Variants in PDE6A observed in about 807,000 individuals in gnomAD.
The protein encoded by PDE6A is phosphodiesterase 6A, also known as rod cGMP-specific 3',5'-cyclic phosphodiesterase subunit alpha.
In PDE6A, 84 loss-of-function variants were observed where a neutral mutation model predicts 106.3. The observed-to-expected ratio is 0.79, with a 90% CI of 0.66 to 0.95. PDE6A has a LOEUF of 0.95. Among genes scored for constraint, PDE6A ranks in the 40% least tolerant of loss-of-function variants. The pLI is 0.00. For synonymous variants in PDE6A, 394 were observed against 386.6 expected, an observed-to-expected ratio of 1.02 and a Z score of -0.23; for missense variants, 1,052 against 1,084.9, an observed-to-expected ratio of 0.97 and a Z score of 0.43.
At chr5:149,917,049 CT>C (rs575173849) in intron 5 of PDE6A, among the ~76,000 whole-genome samples, 20,878 of 141,988 alleles carry the variant, frequency 0.15, 1,590 homozygotes, top group African/African-American at 0.23. Flanking sequence ...AAGGGGATAT[CT>C]TTTTTTTTTT....
intron 10 of PDE6A, among the ~76,000 whole-genome samples, chr5:149,897,381 T>G (rs1223454009): frequency 6.6e-6 from 1 of 152,222 alleles, no homozygotes; most frequent in Non-Finnish European, 1.5e-5. Context: ...AACTTGTAAC[T>G]GGTTCACCGA....
intron 1 of PDE6A, among the ~76,000 whole-genome samples, chr5:149,940,505 C>CTTTTT (rs56930344): frequency 7.0e-6 from 1 of 142,018 alleles, no homozygotes. Flanking sequence ...TGTTTGAATC[C>CTTTTT]TTTTTTTTTT....
chr5:149,868,327 A>T (rs920632270), intron 17 of PDE6A, among the ~76,000 whole-genome samples, 169 bp from the exon 18 acceptor site: 1 of 152,224 alleles, frequency 6.6e-6, no homozygotes, highest in Non-Finnish European at 1.5e-5. Context: ...GAAATCAAAC[A>T]GGGTTAGATC....
intron 1 of PDE6A, among the ~76,000 whole-genome samples, chr5:149,935,955 C>A (rs919240927): frequency 3.9e-5 from 6 of 152,124 alleles, no homozygotes; most frequent in African/African-American, 1.2e-4. Flanking sequence ...AGTCCAAGAC[C>A]AGCCTGGGCA....
At chr5:149,893,560 T>C (rs777313252) in intron 13 of PDE6A, among the ~76,000 whole-genome samples, 3 of 152,198 alleles carry the variant, frequency 2.0e-5, no homozygotes, top group Non-Finnish European at 4.4e-5. Flanking sequence ...AGACTACCTA[T>C]GTGGGTATGA....
chr5:149,944,253 C>G lies in PDE6A; in HGVS notation c.421G>C (p.Val141Leu), dbSNP rs757733655. Residue 141 changes from valine (V) to leucine (L), a missense_variant, in exon 1 of 22, where the codon GTG becomes CTG. This residue lies in a region of PDE6A where 913 missense variants were observed against 915.2 expected (regional missense o/e 1.00). Transcript: ENST00000255266. ...TTCTTAGAGTGTGCGACATGGCCCA[C>G]GATGCCCATGTCCAAAGGGAAGACG... ...EIVFPLDMGI[V>L]GHVAHSKKIA... is the part of the protein sequence containing the mutation. 1 of 1,613,784 alleles carries G rather than the reference C, an allele frequency of 6.2e-7. No individual in the cohort carries two copies. The highest frequency in any genetic ancestry group is 8.5e-7 in the Non-Finnish European group (1 of 1,179,942).
chr5:149,939,063 G>A (rs1705784193), intron 1 of PDE6A, among the ~76,000 whole-genome samples: 1 of 152,090 alleles, frequency 6.6e-6, no homozygotes, highest in Non-Finnish European at 1.5e-5. Flanking sequence ...TCTGCCACTG[G>A]GGCCCAAGGT....
rs1391885772 is a variant in PDE6A at position 149,860,829 on chromosome 5, C to T, written c.*66G>A. 2 of 1,319,902 alleles carry T rather than the reference C, an allele frequency of 1.5e-6. No homozygotes were observed. The highest frequency in any genetic ancestry group is 2.2e-6 in the Non-Finnish European group (2 of 913,034). The allele number at this position is 1,319,902 out of a possible 1,614,324, so 81.8% of individuals were successfully genotyped here. ...CTACTTCTCAAGGTGTGTGGTCTTC[C>T]ACTGGCTTGAGTCATCTCTTCCCAG... On this transcript the variant is annotated 3_prime_UTR_variant, in exon 22 of 22. Coordinates refer to ENST00000255266, the MANE Select transcript of PDE6A (RefSeq NM_000440.3).
chr5:149,944,552 T>G lies in PDE6A; in HGVS notation c.122A>C (p.Glu41Ala), dbSNP rs746076316. The change falls in exon 1 of 22, where the codon GAG (glutamate) becomes GCG (alanine). Residue 41 changes from glutamate (E) to alanine (A), a missense_variant. Around this residue, in one of 3 missense-constraint regions of PDE6A, gnomAD observed 913 missense variants for 915.2 expected, o/e 1.00. Coordinates refer to ENST00000255266, the MANE Select transcript of PDE6A (RefSeq NM_000440.3). ...KLISDLLGAK[E>A]AAVDFSNYHS... Reference sequence around the variant, plus strand: ...GTAGTTGCTGAAGTCCACGGCAGCCTCCTTGGCCCCAAGGAGGTCGGAGAT... The same window carrying G: ...GTAGTTGCTGAAGTCCACGGCAGCCGCCTTGGCCCCAAGGAGGTCGGAGAT... 1.2e-6 allele frequency: 2 copies of G among 1,614,060 alleles called. No individual in the cohort carries two copies. Among genetic ancestry groups the G allele is most frequent in the Non-Finnish European group, 1.7e-6 (2 of 1,180,004 alleles).
Position 149,944,596 on chromosome 5 carries a change from G to A in PDE6A, c.78C>T (p.Leu26=). 5 of 1,614,052 alleles carry A rather than the reference G, an allele frequency of 3.1e-6. No homozygotes were observed. Among genetic ancestry groups the A allele is most frequent in the Non-Finnish European group, 4.2e-6 (5 of 1,180,004 alleles). ...CGGAGATGAGCTTGGCCCGGTAGTG[G>A]AGGTTGTAGTACTGTTTGGCAAAGC... The part of the protein sequence containing the change: ...NIGFAKQYYN[L]HYRAKLISDL... Residue 26 remains leucine, a synonymous_variant, in exon 1 of 22, where the codon CTC becomes CTT. Transcript: ENST00000255266.
Position 149,859,288 on chromosome 5 carries a change from A to G in PDE6A, c.*1607T>C, listed in dbSNP as rs984836873. On this transcript the variant is annotated 3_prime_UTR_variant, in exon 22 of 22. Coordinates refer to ENST00000255266, the MANE Select transcript of PDE6A (RefSeq NM_000440.3). ...TAAAAACCAACAAAAAGAAACAACT[A>G]AATTCAATATGTGAATTTGTTTGGA... 2.0e-5 allele frequency: 3 copies of G among 152,250 alleles called. No individual in the cohort carries two copies. Among genetic ancestry groups the G allele is most frequent in the Non-Finnish European group, 2.9e-5 (2 of 68,048 alleles). The allele number at this position is 152,250 out of a possible 1,614,324, so 9.4% of individuals were successfully genotyped here.
chr5:149,878,618 T>C (rs2113536438), intron 17 of PDE6A, among the ~76,000 whole-genome samples: 1 of 152,352 alleles, frequency 6.6e-6, no homozygotes, highest in Non-Finnish European at 1.5e-5. Context: ...AGACTGAGCC[T>C]GTTTACACTC....
At chr5:149,899,252 T>C (rs1752874208) in intron 9 of PDE6A, 123 bp downstream of exon 9, 3 of 884,100 alleles carry the variant, frequency 3.4e-6, no homozygotes, top group Non-Finnish European at 3.8e-6. Flanking sequence ...AAGTGGTTGA[T>C]GAGGCAGAGT....
chr5:149,901,779 T>G (rs547843784), intron 8 of PDE6A, among the ~76,000 whole-genome samples: 1 of 152,316 alleles, frequency 6.6e-6, no homozygotes, highest in East Asian at 1.9e-4. Flanking sequence ...ACACATGAAG[T>G]GCAATTTTAA....
At chr5:149,895,080 A>T in intron 13 of PDE6A, 103 bp downstream of exon 13, 2 of 776,636 alleles carry the variant, frequency 2.6e-6, no homozygotes, top group East Asian at 5.1e-5. Context: ...AAAGACAATA[A>T]ATAAAGAAAG....
Position 149,886,372 on chromosome 5 carries a change from C to T in PDE6A, c.1731G>A (p.Thr577=), listed in dbSNP as rs760874208. The change falls in exon 14 of 22, where the codon ACG becomes ACA. Residue 577 remains threonine, a splice_region_variant and synonymous_variant. Coordinates refer to ENST00000255266, the MANE Select transcript of PDE6A (RefSeq NM_000440.3). The part of the protein sequence containing the change: ...VGQTMFSLLV[T]GKLKRYFTDL... ...CCGTGAAGTAGCGCTTCAGCTTTCC[C>T]GTCTGGAAGGGCAATCAGAGTGCAA... 6 of 1,612,050 alleles carry T rather than the reference C, an allele frequency of 3.7e-6. No homozygotes were observed. The East Asian group carries it at 8.9e-5, about 24-fold the overall frequency.
At chr5:149,865,698 G>A (rs1225530401) in intron 20 of PDE6A, among the ~76,000 whole-genome samples, 1 of 152,228 alleles carries the variant, frequency 6.6e-6, no homozygotes, top group Non-Finnish European at 1.5e-5. Flanking sequence ...CTTCTCATGT[G>A]TAACATGGCC....
At chr5:149,928,231 A>ATATATATTTTT in intron 4 of PDE6A, among the ~76,000 whole-genome samples, 5 of 19,752 alleles carry the variant, frequency 2.5e-4, no homozygotes, top group African/African-American at 1.4e-3. Context: ...ATATATATAT[A>ATATATATTTTT]TTTTTTTTTT....
At chr5:149,932,344 T>C (rs1754059239) in intron 3 of PDE6A, 1 of 1,424,920 alleles carries the variant, frequency 7.0e-7, no homozygotes, top group Non-Finnish European at 9.9e-7. Context: ...GTAGGAGGTC[T>C]TTCTAAATCC....
Sources: gnomAD v4.1 joint callset for allele counts (sites outside exome capture counted in the v4.1 genomes callset) on GRCh38, gnomAD v4.1.1 for gene constraint, gnomAD v4.1.1 regional missense constraint, MANE v1.5 for transcripts, NCBI Gene and HGNC (gene_info 2026-07-23, HGNC 2026-07-21) for gene names.